Variants in SPAG16 observed in about 807,000 individuals in gnomAD.
The protein encoded by SPAG16 is sperm-associated antigen 16 protein.
A neutral mutation model predicts 80.4 loss-of-function variants in SPAG16; 86 were observed. The observed-to-expected ratio is 1.07, with a 90% CI of 0.90 to 1.28. The LOEUF is 1.28. SPAG16 is among the 50% of genes most tolerant of loss of function. The probability of loss-of-function intolerance (pLI) is 0.00; values close to 1 mark genes in which losing one functional copy is unlikely to be tolerated. For missense variants in SPAG16, 870 were observed against 765.3 expected (o/e 1.14, Z -1.61); for synonymous variants, 294 against 265.9 (o/e 1.11, Z -1.03).
In SPAG16 at chr2:213,799,003, A is replaced by T. The variant is rs190700156; in HGVS notation, c.1071-63482A>T. On this transcript the variant is annotated intron_variant, in intron 10 of 15. Coordinates refer to ENST00000331683, the MANE Select transcript of SPAG16 (RefSeq NM_024532.5). ...TTGTAATAAGTTTTGAAATGGGGAA[A>T]TGTAATTCCTCCAAATTTGTTATTT... Among the ~76,000 whole-genome samples the T allele has an allele frequency of 3.9e-5, 6 of 152,316 alleles. No homozygotes were observed. In the South Asian group the frequency reaches 6.2e-4, roughly 16 times the overall value.
At chr2:213,976,687 T>C (rs2045427540) in intron 12 of SPAG16, among the ~76,000 whole-genome samples, 1 of 150,596 alleles carries the variant, frequency 6.6e-6, no homozygotes, top group Admixed American at 6.7e-5. Context: ...GGGGCCCATA[T>C]GAAAGGCTTG....
intron 10 of SPAG16, among the ~76,000 whole-genome samples, chr2:213,763,319 T>G (rs1167435829): frequency 6.6e-6 from 1 of 152,190 alleles, no homozygotes; most frequent in African/African-American, 2.4e-5. Context: ...ATTGAAGAGA[T>G]ATTTGTATTC....
intron 13 of SPAG16, among the ~76,000 whole-genome samples, chr2:214,056,599 G>C (rs564307581): frequency 6.6e-6 from 1 of 152,150 alleles, no homozygotes; most frequent in South Asian, 2.1e-4. Flanking sequence ...AGACAGTCTT[G>C]CCTTGATGTT....
At chr2:213,311,080 T>C (rs969191498) in intron 4 of SPAG16, among the ~76,000 whole-genome samples, 2 of 151,784 alleles carry the variant, frequency 1.3e-5, no homozygotes, top group African/African-American at 4.8e-5. Flanking sequence ...GTCAGTTTCA[T>C]TATTTTAAAT....
chr2:213,783,070 C>A (rs1355634742), intron 10 of SPAG16, among the ~76,000 whole-genome samples: 5 of 142,590 alleles, frequency 3.5e-5, no homozygotes, highest in Non-Finnish European at 6.1e-5. Context: ...ACCACAGTCC[C>A]CAGAGTGTGA....
intron 11 of SPAG16, among the ~76,000 whole-genome samples, chr2:213,878,133 C>T (rs539034594): frequency 6.6e-6 from 1 of 152,272 alleles, no homozygotes; most frequent in South Asian, 2.1e-4. Context: ...TTTGAATTCT[C>T]TCTACCTTCT....
chr2:214,195,299 G>GAGATGATAGATAGATAGATAGATAGAT (rs2057794683), intron 15 of SPAG16, among the ~76,000 whole-genome samples: 3 of 16,464 alleles, frequency 1.8e-4, no homozygotes, highest in African/African-American at 5.2e-4. Flanking sequence ...AGATAGATGA[G>GAGATGATAGATAGATAGATAGATAGAT]AGATGATAGA....
intron 10 of SPAG16, among the ~76,000 whole-genome samples, chr2:213,672,775 A>G (rs567097913): frequency 1.3e-5 from 2 of 151,754 alleles, no homozygotes; most frequent in Non-Finnish European, 2.9e-5. Context: ...TGCAATAGGG[A>G]TATTCCTATC....
At chr2:213,311,557 G>A (rs11692961) in intron 4 of SPAG16, among the ~76,000 whole-genome samples, 39,648 of 151,352 alleles carry the variant, frequency 0.26, 6,023 homozygotes, top group Middle Eastern at 0.45. Flanking sequence ...GTTAGTATTA[G>A]GATTTAAAGT....
chr2:214,021,382 C>T (rs1467985323), intron 13 of SPAG16, among the ~76,000 whole-genome samples: 1 of 152,134 alleles, frequency 6.6e-6, no homozygotes, highest in African/African-American at 2.4e-5. Context: ...GGAGGCCTCA[C>T]AATCATGGCG....
At chr2:214,071,350 T>A (rs1033755526) in intron 13 of SPAG16, among the ~76,000 whole-genome samples, 1 of 152,148 alleles carries the variant, frequency 6.6e-6, no homozygotes, top group African/African-American at 2.4e-5. Flanking sequence ...TATAGTCATA[T>A]TAGCTCAAAA....
chr2:214,193,299 G>A lies in SPAG16; in HGVS notation c.1720+44033G>A, dbSNP rs113320897. Among the ~76,000 whole-genome samples, 604 of 151,960 alleles carry A rather than the reference G, an allele frequency of 4.0e-3. 2 individuals carry two copies. Among genetic ancestry groups the A allele is most frequent in the African/African-American group, 0.013 (552 of 41,456 alleles). On this transcript the variant is annotated intron_variant, in intron 15 of 15. Transcript: ENST00000331683. ...AAGGGAACTGGGAGGAGCTCTGGTC[G>A]CCTCTACTAGAACTGCTGCACCAAG...
intron 12 of SPAG16, among the ~76,000 whole-genome samples, chr2:213,940,842 A>G (rs537213496): frequency 6.6e-6 from 1 of 151,918 alleles, no homozygotes; most frequent in East Asian, 1.9e-4. Context: ...CTTACCCCTA[A>G]CTCTTATTTC....
intron 13 of SPAG16, among the ~76,000 whole-genome samples, chr2:214,069,343 C>A (rs1206364608): frequency 6.6e-6 from 1 of 152,146 alleles, no homozygotes; most frequent in Non-Finnish European, 1.5e-5. Flanking sequence ...TTGCCACTTT[C>A]CTTTTTGATA....
intron 7 of SPAG16, among the ~76,000 whole-genome samples, chr2:213,362,809 A>T (rs6717752): frequency 0.68 from 102,845 of 152,030 alleles, 35,613 homozygotes; most frequent in East Asian, 1. Flanking sequence ...TAAGGAAAAG[A>T]GGTTTATTTG....
intron 10 of SPAG16, among the ~76,000 whole-genome samples, chr2:213,561,991 C>T (rs1238920320): frequency 6.6e-6 from 1 of 152,158 alleles, no homozygotes; most frequent in Non-Finnish European, 1.5e-5. Context: ...TCATTTTGCT[C>T]TAGCGAAAGT....
At chr2:214,384,951 T>C (rs905452452) in intron 15 of SPAG16, among the ~76,000 whole-genome samples, 14 of 152,236 alleles carry the variant, frequency 9.2e-5, no homozygotes, top group African/African-American at 3.4e-4. Flanking sequence ...ATATTCACTG[T>C]CAATGAGATC....
intron 10 of SPAG16, among the ~76,000 whole-genome samples, chr2:213,830,452 T>G (rs1398195238): frequency 6.6e-6 from 1 of 152,158 alleles, no homozygotes; most frequent in Non-Finnish European, 1.5e-5. Flanking sequence ...TAAAAACAGG[T>G]ACTGTAATTT....
chr2:214,135,073 C>A (rs1198379533), intron 14 of SPAG16, among the ~76,000 whole-genome samples: 1 of 152,196 alleles, frequency 6.6e-6, no homozygotes, highest in Non-Finnish European at 1.5e-5. Flanking sequence ...TAGTGTTCCG[C>A]TCCTAGAAGA....
Sources: gnomAD v4.1 joint callset for allele counts (sites outside exome capture counted in the v4.1 genomes callset) on GRCh38, gnomAD v4.1.1 for gene constraint, MANE v1.5 for transcripts, NCBI Gene and HGNC (gene_info 2026-07-23, HGNC 2026-07-21) for gene names.